ASTN2: variants seen among roughly 807,000 people sequenced by gnomAD.
ASTN2 encodes astrotactin-2.
ASTN2 carries 54 observed loss-of-function variants against 139.8 expected under a neutral mutation model. The ratio of observed to expected loss-of-function variants is 0.39; its 90% CI spans 0.31 to 0.48. The LOEUF (loss-of-function observed/expected upper bound fraction) is 0.48, where lower values mean the gene tolerates loss of function less well. ASTN2 is among the 20% of genes least tolerant of loss of function. The pLI, the probability that ASTN2 is intolerant of heterozygous loss-of-function variation, is 0.95. For missense variants in ASTN2, 1,565 were observed against 1,725.1 expected (o/e 0.91, Z 1.64); for synonymous variants, 756 against 719.5 (o/e 1.05, Z -0.81).
At chr9:116,615,523 C>T (rs559277207) in intron 19 of ASTN2, among the ~76,000 whole-genome samples, 1 of 152,238 alleles carries the variant, frequency 6.6e-6, no homozygotes, top group South Asian at 2.1e-4. Flanking sequence ...GGCACATATA[C>T]ACCATGAAAT....
At chr9:116,885,630 C>A (rs1161884947) in intron 10 of ASTN2, among the ~76,000 whole-genome samples, 1 of 152,184 alleles carries the variant, frequency 6.6e-6, no homozygotes. Flanking sequence ...CATGCCACTG[C>A]ACTCCAGCCT....
intron 1 of ASTN2, among the ~76,000 whole-genome samples, chr9:117,330,432 A>G (rs1268633221): frequency 6.6e-6 from 1 of 152,174 alleles, no homozygotes; most frequent in Non-Finnish European, 1.5e-5. Flanking sequence ...CTCCCTGAGC[A>G]TTGGTTTGTG....
intron 5 of ASTN2, among the ~76,000 whole-genome samples, chr9:117,066,566 T>C (rs1432935768): frequency 6.6e-6 from 1 of 150,602 alleles, no homozygotes; most frequent in African/African-American, 2.4e-5. Context: ...ATGGTATTTC[T>C]AGTTCTAGAT....
chr9:117,124,234 TA>T lies in ASTN2; in HGVS notation c.1168+17091del, dbSNP rs1587989490. Among the ~76,000 whole-genome samples the T allele has an allele frequency of 4.6e-5, 7 of 152,188 alleles. No individual in the cohort carries two copies. The East Asian group carries it at 1.2e-3, about 25-fold the overall frequency. ...GCCCAGATATGCCACTAACTCATGG[TA>T]AAAAAGTTGCTTTCCCTCTCTGTGC... is the stretch of plus-strand genomic sequence containing the variant. On this transcript the variant is annotated intron_variant, in intron 4 of 22. Coordinates refer to ENST00000313400, the MANE Select transcript of ASTN2 (RefSeq NM_001365068.1).
chr9:116,556,387 G>A (rs1472223980), intron 19 of ASTN2, among the ~76,000 whole-genome samples: 1 of 152,122 alleles, frequency 6.6e-6, no homozygotes, highest in African/African-American at 2.4e-5. Context: ...CAGCCCTTTG[G>A]GAGGCTGAGG....
chr9:116,584,916 A>G (rs898277530), intron 19 of ASTN2: 2 of 152,220 alleles, frequency 1.3e-5, no homozygotes, highest in African/African-American at 2.4e-5. Context: ...CAACTCTGAT[A>G]CAGAAGAGGT....
intron 13 of ASTN2, among the ~76,000 whole-genome samples, chr9:116,793,199 C>T (rs761966611): frequency 5.3e-5 from 8 of 152,154 alleles, no homozygotes; most frequent in Non-Finnish European, 7.4e-5. Context: ...ATTTGTCCTA[C>T]GGATATATTA....
intron 20 of ASTN2, among the ~76,000 whole-genome samples, chr9:116,446,255 GGAGAGAGAGAGAGAGATAGA>G (rs1195501716): frequency 1.8e-5 from 2 of 113,936 alleles, no homozygotes; most frequent in Non-Finnish European, 3.5e-5. Flanking sequence ...GAGGGGAGAG[GGAGAGAGAGAGAGAGATAGA>G]GAGAGAGAGA....
At position 117,101,492 on chromosome 9, in the gene ASTN2, T is replaced by C. The variant is rs533602877; in HGVS notation, c.1169-5341A>G. On this transcript the variant is annotated intron_variant, in intron 4 of 22. Coordinates refer to ENST00000313400, the MANE Select transcript of ASTN2 (RefSeq NM_001365068.1). ...CTGGAACCAGCAGCCTTTCTATCCT[T>C]GCTGCTTGGGCCCTTGGTTCTTCTG... 5.3e-5 allele frequency among the ~76,000 whole-genome samples: 8 copies of C among 152,196 alleles called. 1 individual carries two copies. The highest frequency in any genetic ancestry group is 1.9e-4 in the African/African-American group (8 of 41,542).
At chr9:117,229,785 A>AG (rs372724870) in intron 2 of ASTN2, among the ~76,000 whole-genome samples, 4 of 152,248 alleles carry the variant, frequency 2.6e-5, no homozygotes, top group Middle Eastern at 3.4e-3. Flanking sequence ...ACCAACCAGC[A>AG]GGTCCTGAGG....
At chr9:117,397,190 G>A (rs888438997) in intron 1 of ASTN2, among the ~76,000 whole-genome samples, 3 of 152,186 alleles carry the variant, frequency 2.0e-5, no homozygotes, top group South Asian at 4.1e-4. Context: ...GGATTCAAGC[G>A]TGAGCCACAG....
chr9:116,820,761 A>C lies in ASTN2; in HGVS notation c.2063T>G (p.Met688Arg), dbSNP rs771348581. Residue 688 changes from methionine to arginine, a missense_variant, in exon 12 of 23, where the codon ATG becomes AGG. Met to Arg is a moderately conservative substitution (Grantham distance 91, BLOSUM62 -1). Transcript: ENST00000313400. ...GCVCPEELKP[M>R]KDGSGCYDHS... ...GTCGTAGCAGCCAGAGCCATCCTTC[A>C]TGGGTTTCAGCTCCTCAGGGCACTG... The C allele has an allele frequency of 6.2e-7, 1 of 1,614,068 alleles. No individual in the cohort carries two copies. The highest frequency in any genetic ancestry group is 8.5e-7 in the Non-Finnish European group (1 of 1,179,956).
At chr9:117,104,416 A>G (rs1014560954) in intron 4 of ASTN2, among the ~76,000 whole-genome samples, 1 of 152,204 alleles carries the variant, frequency 6.6e-6, no homozygotes, top group Admixed American at 6.5e-5. Flanking sequence ...GAGGGACTCC[A>G]CTTGTGTAAA....
intron 1 of ASTN2, among the ~76,000 whole-genome samples, chr9:117,327,523 T>C (rs566951503): frequency 2.4e-4 from 36 of 152,190 alleles, no homozygotes; most frequent in African/African-American, 8.7e-4. Flanking sequence ...AGACCACATC[T>C]GAGAAGGTCA....
intron 2 of ASTN2, among the ~76,000 whole-genome samples, chr9:117,289,074 T>C (rs868733196): frequency 1.7e-4 from 26 of 152,316 alleles, no homozygotes; most frequent in Middle Eastern, 6.8e-3. Context: ...TATGGCTGTC[T>C]TCCTACCTCT....
At chr9:116,565,411 A>ATTTATT (rs1588012243) in intron 19 of ASTN2, among the ~76,000 whole-genome samples, 1 of 105,750 alleles carries the variant, frequency 9.5e-6, no homozygotes, top group African/African-American at 3.7e-5. Flanking sequence ...ATATATATAT[A>ATTTATT]TATATATATA....
At chr9:116,736,033 C>T (rs1310275264) in intron 13 of ASTN2, among the ~76,000 whole-genome samples, 1 of 152,216 alleles carries the variant, frequency 6.6e-6, no homozygotes, top group Non-Finnish European at 1.5e-5. Flanking sequence ...ATTCCCCATT[C>T]AGACATTGAA....
chr9:116,696,718 A>G (rs1860872705), intron 16 of ASTN2, among the ~76,000 whole-genome samples: 1 of 152,172 alleles, frequency 6.6e-6, no homozygotes, highest in Non-Finnish European at 1.5e-5. Flanking sequence ...TAAAGTTTGA[A>G]TATCTGAAGA....
chr9:117,397,232 T>C (rs1313713834), intron 1 of ASTN2, among the ~76,000 whole-genome samples: 1 of 152,134 alleles, frequency 6.6e-6, no homozygotes, highest in Admixed American at 6.6e-5. Flanking sequence ...CATTTATCCT[T>C]TGAGTTACAA....
Sources: gnomAD v4.1 joint callset for allele counts (sites outside exome capture counted in the v4.1 genomes callset) on GRCh38, gnomAD v4.1.1 for gene constraint, MANE v1.5 for transcripts, NCBI Gene and HGNC (gene_info 2026-07-23, HGNC 2026-07-21) for gene names.